The following TTC7B variants were observed in gnomAD, a reference collection of about 807,000 sequenced individuals.
TTC7B encodes tetratricopeptide repeat protein 7B.
TTC7B carries 28 observed loss-of-function variants against 106.8 expected under a neutral mutation model. That is an observed-to-expected ratio of 0.26 (90% CI 0.19 to 0.36). TTC7B has a LOEUF of 0.36. TTC7B is among the 10% of genes least tolerant of loss of function. The probability of loss-of-function intolerance (pLI) is 1.00; values close to 1 mark genes in which losing one functional copy is unlikely to be tolerated. For synonymous variants in TTC7B, 405 were observed against 430.6 expected (o/e 0.94, Z 0.74); for missense variants, 862 against 1,076.4 (o/e 0.80, Z 2.79).
chr14:90,789,121 G>C, intron 1 of TTC7B, among the ~76,000 whole-genome samples: 1 of 152,080 alleles, frequency 6.6e-6, no homozygotes, highest in East Asian at 1.9e-4. Context: ...TTTTTCTTGA[G>C]ACAGAGTTTC....
At position 90,634,954 on chromosome 14, in the gene TTC7B, A is replaced by G. The variant is rs539557275; in HGVS notation, c.1751+9094T>C. On this transcript the variant is annotated intron_variant, in intron 15 of 19. Coordinates refer to ENST00000328459, the MANE Select transcript of TTC7B (RefSeq NM_001010854.2). ...AGTGTACAATAGCAGTAACAACAGC[A>G]ATTATAAGCAGCCAGAGAGAAAAGA... 2.6e-5 allele frequency among the ~76,000 whole-genome samples: 4 copies of G among 152,352 alleles called. No homozygotes were observed. In the South Asian group the frequency reaches 8.3e-4, roughly 32 times the overall value.
chr14:90,706,154 T>C (rs1426233900), intron 5 of TTC7B, among the ~76,000 whole-genome samples: 1 of 137,124 alleles, frequency 7.3e-6, no homozygotes. Context: ...ATTTATTAGC[T>C]GGAATAATTT....
At chr14:90,724,974 C>T (rs1889035731) in intron 5 of TTC7B, among the ~76,000 whole-genome samples, 1 of 152,144 alleles carries the variant, frequency 6.6e-6, no homozygotes, top group Non-Finnish European at 1.5e-5. Flanking sequence ...ATGTTTATGT[C>T]TTCATCTTTT....
rs1889182075 is a variant in TTC7B at position 90,527,803 on chromosome 14, C to T, written c.*13565G>A. On this transcript the variant is annotated 3_prime_UTR_variant, in exon 20 of 20. Coordinates refer to ENST00000328459, the MANE Select transcript of TTC7B (RefSeq NM_001010854.2). ...CTTGATCTCCTGACCTCATGATCCA[C>T]CCACCTCAGCCTCCCAAAGTGCTGG... 1 of 151,822 alleles carries T rather than the reference C, an allele frequency of 6.6e-6. No homozygotes were observed. The highest frequency in any genetic ancestry group is 2.4e-5 in the African/African-American group (1 of 41,348). 9.4% of individuals were successfully genotyped at this position (151,822 alleles called of 1,614,324 possible).
intron 19 of TTC7B, among the ~76,000 whole-genome samples, chr14:90,554,615 G>C (rs1430595901): frequency 1.3e-5 from 2 of 152,180 alleles, no homozygotes; most frequent in Admixed American, 1.3e-4. Flanking sequence ...TCAAGGCTCG[G>C]GACTGGAGGG....
intron 19 of TTC7B, among the ~76,000 whole-genome samples, chr14:90,549,879 G>A (rs540630874): frequency 1.2e-4 from 19 of 152,236 alleles, no homozygotes; most frequent in African/African-American, 4.3e-4. Context: ...ATATTTGTAC[G>A]CCTTCAGTGG....
At chr14:90,783,637 A>G (rs1239646993) in intron 2 of TTC7B, among the ~76,000 whole-genome samples, 2 of 152,220 alleles carry the variant, frequency 1.3e-5, no homozygotes, top group Non-Finnish European at 2.9e-5. Context: ...AAGCATTTTA[A>G]CTTGAATTAA....
chr14:90,648,841 GATTT>G (rs1208406908), intron 13 of TTC7B: 2 of 152,154 alleles, frequency 1.3e-5, no homozygotes, highest in Admixed American at 6.5e-5. Context: ...GAAATTTTTA[GATTT>G]ATTTTATCTT....
At chr14:90,786,135 C>T in intron 2 of TTC7B, 39 bp downstream of exon 2, 1 of 1,511,432 alleles carries the variant, frequency 6.6e-7, no homozygotes, top group Non-Finnish European at 8.8e-7. Flanking sequence ...CCCACACTGT[C>T]CAAAGGAAGT....
intron 9 of TTC7B, among the ~76,000 whole-genome samples, chr14:90,671,561 A>G (rs1418493613): frequency 6.6e-6 from 1 of 152,234 alleles, no homozygotes; most frequent in Non-Finnish European, 1.5e-5. Flanking sequence ...TTAATAGCGC[A>G]GGTTGTCATG....
chr14:90,699,293 A>C (rs1407864121), intron 5 of TTC7B: 2 of 443,264 alleles, frequency 4.5e-6, no homozygotes, highest in African/African-American at 4.1e-5. Flanking sequence ...ATGGAAAACC[A>C]AGGCTAGAGA....
intron 12 of TTC7B, 74 bp from the exon 13 acceptor site, chr14:90,652,972 A>T: frequency 6.8e-7 from 1 of 1,464,698 alleles, no homozygotes. Context: ...CCATCACAAA[A>T]CCTGTACATT....
At chr14:90,782,890 A>G (rs960437046) in intron 2 of TTC7B, among the ~76,000 whole-genome samples, 1 of 152,136 alleles carries the variant, frequency 6.6e-6, no homozygotes, top group African/African-American at 2.4e-5. Context: ...ACTACACTGT[A>G]CACTTACAAA....
chr14:90,699,072 C>A, intron 5 of TTC7B: 1 of 427,726 alleles, frequency 2.3e-6, no homozygotes, highest in Non-Finnish European at 4.6e-6. Flanking sequence ...TCTGTCCTGG[C>A]GATAGGTTCC....
intron 1 of TTC7B, among the ~76,000 whole-genome samples, chr14:90,811,485 T>G (rs1397796819): frequency 1.3e-5 from 2 of 152,158 alleles, no homozygotes; most frequent in African/African-American, 4.8e-5. Flanking sequence ...CCACCCCGAC[T>G]CCTCTTCTTC....
chr14:90,650,282 T>C (rs1282103727), intron 13 of TTC7B, among the ~76,000 whole-genome samples: 2 of 152,214 alleles, frequency 1.3e-5, no homozygotes, highest in Non-Finnish European at 2.9e-5. Flanking sequence ...TCTCCTTGAA[T>C]TTCCCTTCAG....
At position 90,741,667 on chromosome 14, in the gene TTC7B, AT is replaced by A. The variant is rs574712978; in HGVS notation, c.576+3124del. Among the ~76,000 whole-genome samples the A allele has an allele frequency of 6.5e-4, 99 of 152,338 alleles. 1 individual carries two copies. Among genetic ancestry groups the A allele is most frequent in the African/African-American group, 2.2e-3 (93 of 41,574 alleles). On this transcript the variant is annotated intron_variant, in intron 4 of 19. Coordinates refer to ENST00000328459, the MANE Select transcript of TTC7B (RefSeq NM_001010854.2). The stretch of plus-strand genomic sequence containing the variant: ...CAAAATTAAGTCAATTAAGTTCAAC[AT>A]TTAAAAAAAGAAAAAGGCCAATCAA...
intron 3 of TTC7B, among the ~76,000 whole-genome samples, chr14:90,752,628 T>C (rs1265195879): frequency 6.6e-6 from 1 of 152,236 alleles, no homozygotes; most frequent in Non-Finnish European, 1.5e-5. Context: ...ATCAAAGCCC[T>C]ACTCAGCACC....
intron 19 of TTC7B, among the ~76,000 whole-genome samples, chr14:90,552,085 C>G (rs868484030): frequency 6.6e-6 from 1 of 152,228 alleles, no homozygotes; most frequent in Non-Finnish European, 1.5e-5. Context: ...AGCCAGAAGG[C>G]TGGCCTCCCC....
Sources: gnomAD v4.1 joint callset for allele counts (sites outside exome capture counted in the v4.1 genomes callset) on GRCh38, gnomAD v4.1.1 for gene constraint, MANE v1.5 for transcripts, NCBI Gene and HGNC (gene_info 2026-07-23, HGNC 2026-07-21) for gene names.